The following CELF5 variants were observed in gnomAD, a reference collection of about 807,000 sequenced individuals.
CELF5 encodes CUG-BP and ETR-3 like factor 5.
A neutral mutation model predicts 54.9 loss-of-function variants in CELF5; 6 were observed. The ratio of observed to expected loss-of-function variants is 0.11; its 90% CI spans 0.06 to 0.22. CELF5 has a LOEUF of 0.22. Among genes scored for constraint, CELF5 ranks in the 10% least tolerant of loss-of-function variants. The pLI is 1.00. For synonymous variants in CELF5, 271 were observed against 290.9 expected (o/e 0.93, Z 0.70); for missense variants, 401 against 678.6 (o/e 0.59, Z 4.54).
At chr19:3,286,052 C>T (rs1568363704) in intron 10 of CELF5, 27 bp downstream of exon 10, 3 of 1,525,966 alleles carry the variant, frequency 2.0e-6, no homozygotes, top group African/African-American at 1.4e-5. Flanking sequence ...CTCCCCTGGG[C>T]GCCAGCCCCG....
chr19:3,296,737 T>C (rs1237768118), intron 12 of CELF5, 21 bp from the exon 13 acceptor site: 1 of 152,200 alleles, frequency 6.6e-6, no homozygotes, highest in African/African-American at 2.4e-5. Context: ...GTAAATACCA[T>C]TTTTATACTC....
At chr19:3,279,249 T>G (rs551862569) in intron 5 of CELF5, among the ~76,000 whole-genome samples, 2 of 151,336 alleles carry the variant, frequency 1.3e-5, no homozygotes, top group Non-Finnish European at 3.0e-5. Context: ...GGGGTGGGGA[T>G]TGGGGACAGG....
At chr19:3,266,236 G>A (rs529714419) in intron 2 of CELF5, among the ~76,000 whole-genome samples, 60 of 152,220 alleles carry the variant, frequency 3.9e-4, no homozygotes, top group African/African-American at 1.3e-3. Flanking sequence ...CTGTGGCAAC[G>A]GTAAACGGAC....
At chr19:3,285,582 A>C (rs1354500603) in intron 9 of CELF5, among the ~76,000 whole-genome samples, 10 of 25,264 alleles carry the variant, frequency 4.0e-4, no homozygotes, top group Non-Finnish European at 5.3e-4. Flanking sequence ...GGTCCCGCCC[A>C]CTCTGGACTG....
intron 1 of CELF5, among the ~76,000 whole-genome samples, chr19:3,237,194 C>T (rs1359149279): frequency 6.7e-6 from 1 of 148,778 alleles, no homozygotes; most frequent in East Asian, 2.0e-4. Flanking sequence ...AACCTGTAGT[C>T]CCAGCTACTC....
At chr19:3,261,441 G>A (rs2145184470) in intron 2 of CELF5, among the ~76,000 whole-genome samples, 1 of 151,682 alleles carries the variant, frequency 6.6e-6, no homozygotes, top group East Asian at 2.0e-4. Flanking sequence ...GAAATTAAAT[G>A]TCCAAATCTG....
In CELF5 at chr19:3,285,368, C is replaced by T. The variant is rs900884730; in HGVS notation, c.1102+404C>T. Among the ~76,000 whole-genome samples, 2 of 147,858 alleles carry T rather than the reference C, an allele frequency of 1.4e-5. 1 individual carries two copies. The highest frequency in any genetic ancestry group is 5.0e-5 in the African/African-American group (2 of 39,904). On this transcript the variant is annotated intron_variant, in intron 9 of 12. Coordinates refer to ENST00000292672, the MANE Select transcript of CELF5 (RefSeq NM_021938.4). Reference sequence around the variant, plus strand: ...CCCTCACTTCCTGCCTTTACTCTGACCACGCCTCTCTGATAAAGCCCCGCC... The same window carrying T: ...CCCTCACTTCCTGCCTTTACTCTGATCACGCCTCTCTGATAAAGCCCCGCC...
At chr19:3,280,440 T>C (rs1198913215) in intron 5 of CELF5, among the ~76,000 whole-genome samples, 1 of 151,748 alleles carries the variant, frequency 6.6e-6, no homozygotes, top group South Asian at 2.1e-4. Flanking sequence ...CTGGGCGTGA[T>C]GGCGGGCACC....
At chr19:3,294,959 C>T (rs1459780445) in intron 12 of CELF5, 1 of 152,290 alleles carries the variant, frequency 6.6e-6, no homozygotes, top group East Asian at 1.9e-4. Context: ...AGATCCCAGC[C>T]TGGCCGGGTG....
At position 3,228,915 on chromosome 19, in the gene CELF5, T is replaced by TGTGC. The variant is rs60732050; in HGVS notation, c.259+3917_259+3918insGTGC. Among the ~76,000 whole-genome samples the TGTGC allele has an allele frequency of 0.022, 3,135 of 143,552 alleles. 122 individuals carry two copies. Among genetic ancestry groups the TGTGC allele is most frequent in the Middle Eastern group, 0.076 (22 of 290 alleles). The allele number at this position is 143,552 out of a possible 152,430, so 94.2% of individuals were successfully genotyped here. On this transcript the variant is annotated intron_variant, in intron 1 of 12. Transcript: ENST00000292672. The surrounding 1 kb of genome is among the most constrained non-coding windows in gnomAD (Gnocchi z 6.0). ...GTGTGTGTGTGTGTGTGTGTGTGTG[T>TGTGC]ACGCGGGCGCGCGCCTGGGAAGGAC...
chr19:3,290,226 T>C lies in CELF5; in HGVS notation c.1187-5T>C. On this transcript the variant is annotated splice_region_variant and splice_polypyrimidine_tract_variant and intron_variant, in intron 10 of 12. Coordinates refer to ENST00000292672, the MANE Select transcript of CELF5 (RefSeq NM_021938.4). ...GCTTTATGTCTTTCTCTCCCCCACCTGCAGGTCCCGAGGGCTGTAACCTGT... is the reference window on the plus strand; with the variant it reads ...GCTTTATGTCTTTCTCTCCCCCACCCGCAGGTCCCGAGGGCTGTAACCTGT... The C allele has an allele frequency of 1.2e-6, 2 of 1,613,066 alleles. No homozygotes were observed. The highest frequency in any genetic ancestry group is 1.7e-6 in the Non-Finnish European group (2 of 1,179,218).
At chr19:3,227,967 G>T (rs1917018759) in intron 1 of CELF5, among the ~76,000 whole-genome samples, 1 of 152,106 alleles carries the variant, frequency 6.6e-6, no homozygotes, top group Admixed American at 6.5e-5. Context: ...CGTGGGGGCA[G>T]CCAGATTCCT....
chr19:3,285,117 G>C (rs2080217419), intron 9 of CELF5, among the ~76,000 whole-genome samples, 153 bp downstream of exon 9: 1 of 143,212 alleles, frequency 7.0e-6, no homozygotes, highest in Admixed American at 7.1e-5. Flanking sequence ...TTAGCCCCTT[G>C]TCCTGTATTC....
intron 1 of CELF5, among the ~76,000 whole-genome samples, chr19:3,229,137 C>T (rs1482256640): frequency 2.1e-5 from 3 of 141,844 alleles, no homozygotes; most frequent in African/African-American, 5.2e-5. Flanking sequence ...TGAACGCCTA[C>T]TGTTTTCCAG....
At position 3,228,706 on chromosome 19, in the gene CELF5, A is replaced by C. The variant is rs1328709578; in HGVS notation, c.259+3708A>C. ...CTCGACTCGGGAGGGGGGGAGGAGG[A>C]GGCTGTAGCAGGCTGAGCTCTGAGG... On this transcript the variant is annotated intron_variant, in intron 1 of 12. Coordinates refer to ENST00000292672, the MANE Select transcript of CELF5 (RefSeq NM_021938.4). The surrounding 1 kb of genome is among the most constrained non-coding windows in gnomAD (Gnocchi z 6.0). 2.8e-5 allele frequency among the ~76,000 whole-genome samples: 4 copies of C among 141,164 alleles called. No homozygotes were observed. Among genetic ancestry groups the C allele is most frequent in the African/African-American group, 1.1e-4 (4 of 36,606 alleles). 92.6% of individuals were successfully genotyped at this position (141,164 alleles called of 152,430 possible).
At position 3,228,785 on chromosome 19, in the gene CELF5, C is replaced by T. The variant is rs1233771496; in HGVS notation, c.259+3787C>T. 1.3e-5 allele frequency among the ~76,000 whole-genome samples: 2 copies of T among 150,356 alleles called. No homozygotes were observed. The highest frequency in any genetic ancestry group is 3.0e-5 in the Non-Finnish European group (2 of 67,708). On this transcript the variant is annotated intron_variant, in intron 1 of 12. Coordinates refer to ENST00000292672, the MANE Select transcript of CELF5 (RefSeq NM_021938.4). The surrounding 1 kb of genome is among the most constrained non-coding windows in gnomAD (Gnocchi z 6.0). Reference sequence around the variant, plus strand: ...TCCAGGGAGAAGGCGGGCTGGGCGGCCTGGCGGGGGGACCGCGGGAGCAGT... The same window carrying T: ...TCCAGGGAGAAGGCGGGCTGGGCGGTCTGGCGGGGGGACCGCGGGAGCAGT...
chr19:3,285,300 C>T (rs1379600579), intron 9 of CELF5, among the ~76,000 whole-genome samples: 1 of 151,706 alleles, frequency 6.6e-6, no homozygotes, highest in African/African-American at 2.4e-5. Flanking sequence ...CCCCAGCTCT[C>T]GGCCCTGCCC....
At chr19:3,263,571 G>GAAAC (rs35898846) in intron 2 of CELF5, among the ~76,000 whole-genome samples, 30,465 of 148,816 alleles carry the variant, frequency 0.2, 4,165 homozygotes, top group African/African-American at 0.4. Context: ...TAGAAACAAA[G>GAAAC]AAACAAACAA....
intron 11 of CELF5, 130 bp from the exon 12 acceptor site, chr19:3,293,189 C>A: frequency 8.0e-7 from 1 of 1,246,002 alleles, no homozygotes; most frequent in Non-Finnish European, 1.1e-6. Flanking sequence ...ACCACAAACA[C>A]CCTGGCCTGT....
Sources: gnomAD v4.1 joint callset for allele counts (sites outside exome capture counted in the v4.1 genomes callset) on GRCh38, gnomAD v4.1.1 for gene constraint, Gnocchi (gnomAD v3.1) non-coding constraint, MANE v1.5 for transcripts, NCBI Gene and HGNC (gene_info 2026-07-23, HGNC 2026-07-21) for gene names.